BPIFB6: variants seen among roughly 807,000 people sequenced by gnomAD.
The protein encoded by BPIFB6 is BPI fold containing family B member 6.
In BPIFB6, 47 loss-of-function variants were observed where a neutral mutation model predicts 54.7. That is an observed-to-expected ratio of 0.86 (90% confidence interval 0.68 to 1.10). BPIFB6 has a LOEUF of 1.10. Ranked by LOEUF, BPIFB6 falls within the 50% of genes least tolerant of loss-of-function variation. BPIFB6 has a pLI of 0.00. For missense variants in BPIFB6, 603 were observed against 564.1 expected (o/e 1.07, Z -0.70); for synonymous variants, 255 against 225.9 (o/e 1.13, Z -1.16).
In BPIFB6 at chr20:33,035,582, C is replaced by T. The variant is rs144608504; in HGVS notation, c.517-30C>T. Reference sequence around the variant, plus strand: ...TGTGGAGGCTCTCCATGCAGGGACCCTCTCAGCCCAGTGCCTTCTCTGCTT... The same window carrying T: ...TGTGGAGGCTCTCCATGCAGGGACCTTCTCAGCCCAGTGCCTTCTCTGCTT... On this transcript the variant is annotated intron_variant, in intron 5 of 14. Transcript: ENST00000349552. 1.3e-4 allele frequency: 212 copies of T among 1,612,886 alleles called. 1 individual carries two copies. The African/African-American group carries it at 2.5e-3, about 19-fold the overall frequency.
Position 33,036,453 on chromosome 20 carries a change from C to T in BPIFB6, c.586C>T (p.Pro196Ser), listed in dbSNP as rs916371691. Residue 196 changes from proline to serine, a missense_variant, in exon 7 of 15, where the codon CCT (proline) becomes TCT (serine). By Grantham distance (74) the Pro-to-Ser change is moderately conservative (BLOSUM62 -1). Transcript: ENST00000349552. ...ACCTCCTTTTCACACAGACCCCATGCCTGTGGGCCAGATGGGCACCGTCAA... is the reference window on the plus strand; with the variant it reads ...ACCTCCTTTTCACACAGACCCCATGTCTGTGGGCCAGATGGGCACCGTCAA... ...RKWTNLSDPMPVGQMGTVKYV... is the reference protein window; with the variant it reads ...RKWTNLSDPMSVGQMGTVKYV... 33 of 1,612,834 alleles carry T rather than the reference C, an allele frequency of 2.0e-5. No homozygotes were observed. The highest frequency in any genetic ancestry group is 2.6e-5 in the Non-Finnish European group (31 of 1,179,420).
At chr20:33,041,345 C>A (rs1179230835) in intron 11 of BPIFB6, among the ~76,000 whole-genome samples, 1 of 152,118 alleles carries the variant, frequency 6.6e-6, no homozygotes, top group Non-Finnish European at 1.5e-5. Flanking sequence ...CACAAATGAA[C>A]TCCTTGAGAA....
chr20:33,040,985 C>CTTTTTTT (rs59134684), intron 11 of BPIFB6, among the ~76,000 whole-genome samples: 3 of 116,848 alleles, frequency 2.6e-5, no homozygotes, highest in South Asian at 5.8e-4. Flanking sequence ...AGGAGTAGTT[C>CTTTTTTT]TTTTTTTTTT....
In BPIFB6 at chr20:33,034,095, G is replaced by A. The variant is rs76245008; in HGVS notation, c.198-91G>A. ...CATGGGATAGGAGGCCGGGGTTATC[G>A]AAAGTCTTCCCAGTAAAGTGGTGAA... On this transcript the variant is annotated intron_variant, in intron 2 of 14. Transcript: ENST00000349552. 12,773 of 906,394 alleles carry A rather than the reference G, an allele frequency of 0.014. 990 individuals carry two copies. In the African/African-American group the frequency reaches 0.17, roughly 12 times the overall value. The allele number at this position is 906,394 out of a possible 1,614,324, so 56.1% of individuals were successfully genotyped here.
intron 11 of BPIFB6, 140 bp from the exon 12 acceptor site, chr20:33,041,830 C>T: frequency 1.5e-6 from 1 of 682,732 alleles, no homozygotes; most frequent in South Asian, 1.8e-5. Flanking sequence ...CTCAGGAGCA[C>T]CTGGTCTGAA....
chr20:33,034,018 C>G (rs932014233), intron 2 of BPIFB6, among the ~76,000 whole-genome samples, 168 bp from the exon 3 acceptor site: 1 of 150,538 alleles, frequency 6.6e-6, no homozygotes, highest in Non-Finnish European at 1.5e-5. Context: ...TCATGTCCAG[C>G]CTTTTGTTTT....
rs763721143 is a variant in BPIFB6 at position 33,042,894 on chromosome 20, G to A, written c.1252+16G>A. On this transcript the variant is annotated intron_variant, in intron 13 of 14. Coordinates refer to ENST00000349552, the MANE Select transcript of BPIFB6 (RefSeq NM_174897.2). ...GTTGTCAATGGTGAGGGTTCCAAAA[G>A]GCTTTGGACCATGGTGCCAAGAAGC... 6.2e-7 allele frequency: 1 copy of A among 1,612,482 alleles called. No homozygotes were observed. The highest frequency in any genetic ancestry group is 8.5e-7 in the Non-Finnish European group (1 of 1,178,646).
chr20:33,043,898 A>C lies in BPIFB6; in HGVS notation c.1330-117A>C, dbSNP rs1979697238. ...AGGGTCACAAGGCAAGTCTACTTCA[A>C]CCTTTGCTTAACCACCACACTGGTT... On this transcript the variant is annotated intron_variant, in intron 14 of 14. Coordinates refer to ENST00000349552, the MANE Select transcript of BPIFB6 (RefSeq NM_174897.2). 1.7e-5 allele frequency: 22 copies of C among 1,308,484 alleles called. No individual in the cohort carries two copies. In the South Asian group the frequency reaches 2.5e-4, roughly 15 times the overall value. The allele number at this position is 1,308,484 out of a possible 1,614,324, so 81.1% of individuals were successfully genotyped here.
chr20:33,035,891 A>C (rs1365865106), intron 6 of BPIFB6, among the ~76,000 whole-genome samples: 1 of 152,062 alleles, frequency 6.6e-6, no homozygotes, highest in Non-Finnish European at 1.5e-5. Flanking sequence ...TCAATACTGC[A>C]TCCTGAACCC....
intron 8 of BPIFB6, among the ~76,000 whole-genome samples, chr20:33,037,981 T>A (rs374831061): frequency 2.0e-5 from 3 of 152,042 alleles, no homozygotes; most frequent in East Asian, 1.9e-4. Flanking sequence ...TCAACCTACA[T>A]CTCTAATGTC....
chr20:33,038,884 C>G (rs1197706648), intron 8 of BPIFB6, 25 bp from the exon 9 acceptor site: 2 of 1,613,668 alleles, frequency 1.2e-6, no homozygotes, highest in East Asian at 4.5e-5. Context: ...CTCCAGCAAC[C>G]CTAACCTTGA....
chr20:33,039,870 T>G (rs1979503672), intron 10 of BPIFB6, among the ~76,000 whole-genome samples: 1 of 152,138 alleles, frequency 6.6e-6, no homozygotes, highest in South Asian at 2.1e-4. Flanking sequence ...GAGCTATGTT[T>G]TGAAGGTTGA....
chr20:33,044,020 C>T lies in BPIFB6; in HGVS notation c.1335C>T (p.Ala445=). ...NLAELDIVEN[A]LMLDLKLG ...ACCCCTTTGCCTTTTGCCAGAATGC[C>T]CTGATGCTGGACTTGAAGCTGGGCT... Residue 445 remains alanine, a synonymous_variant, in exon 15 of 15, where the codon GCC becomes GCT. Coordinates refer to ENST00000349552, the MANE Select transcript of BPIFB6 (RefSeq NM_174897.2). 1 of 1,614,182 alleles carries T rather than the reference C, an allele frequency of 6.2e-7. No homozygotes were observed.
intron 1 of BPIFB6, among the ~76,000 whole-genome samples, chr20:33,032,474 C>T (rs760209463): frequency 4.6e-5 from 7 of 152,114 alleles, no homozygotes; most frequent in Non-Finnish European, 1.0e-4. Flanking sequence ...ATCACCTAGG[C>T]TTGGGAGTGG....
intron 7 of BPIFB6, 35 bp downstream of exon 7, chr20:33,036,571 C>T: frequency 6.4e-7 from 1 of 1,560,708 alleles, no homozygotes; most frequent in Non-Finnish European, 8.8e-7. Context: ...GCTGGGGTCT[C>T]AGGCTCACTG....
intron 7 of BPIFB6, 51 bp from the exon 8 acceptor site, chr20:33,037,511 C>A: frequency 6.5e-7 from 1 of 1,548,354 alleles, no homozygotes; most frequent in Non-Finnish European, 8.7e-7. Context: ...ACACTCCTGG[C>A]CAACATCCCT....
At chr20:33,043,146 C>T in intron 13 of BPIFB6, 145 bp from the exon 14 acceptor site, 1 of 785,208 alleles carries the variant, frequency 1.3e-6, no homozygotes, top group Non-Finnish European at 2.2e-6. Flanking sequence ...CATTGCAAAT[C>T]AGGCTTATTA....
intron 1 of BPIFB6, among the ~76,000 whole-genome samples, chr20:33,032,613 C>T (rs558054583): frequency 6.6e-6 from 1 of 152,310 alleles, no homozygotes; most frequent in African/African-American, 2.4e-5. Flanking sequence ...CCTCTTCCCC[C>T]AACTGTGCCA....
chr20:33,043,320 G>A lies in BPIFB6; in HGVS notation c.1282G>A (p.Asp428Asn), dbSNP rs771597893. ...GCTTCAAGTGGGGCTCCCACTCCCGGACTTTCTGGCCATGAATTACAACCT... is the reference window on the plus strand; with the variant it reads ...GCTTCAAGTGGGGCTCCCACTCCCGAACTTTCTGGCCATGAATTACAACCT... ...DVLQVGLPLP[D>N]FLAMNYNLAE... is the part of the protein sequence containing the mutation. Residue 428 changes from aspartate (D) to asparagine (N), a missense_variant, in exon 14 of 15, where the codon GAC becomes AAC. Coordinates refer to ENST00000349552, the MANE Select transcript of BPIFB6 (RefSeq NM_174897.2). 2 of 1,614,204 alleles carry A rather than the reference G, an allele frequency of 1.2e-6. No individual in the cohort carries two copies. Among genetic ancestry groups the A allele is most frequent in the Admixed American group, 3.3e-5 (2 of 60,022 alleles).
Sources: allele counts gnomAD v4.1 joint callset (sites outside exome capture counted in the v4.1 genomes callset), GRCh38; gene constraint gnomAD v4.1.1; transcripts MANE v1.5; gene names NCBI Gene and HGNC (gene_info 2026-07-23, HGNC 2026-07-21).